The following CA5B variants were observed in gnomAD, a reference collection of about 807,000 sequenced individuals.
CA5B encodes the protein carbonic anhydrase 5B.
Under a neutral mutation model 23.1 loss-of-function variants are expected in CA5B, and 15 were observed. The observed-to-expected ratio is 0.65, with a 90% CI of 0.43 to 1.00. CA5B has a LOEUF of 1.00. CA5B is among the 50% of genes least tolerant of loss of function. CA5B has a pLI of 0.00. For synonymous variants in CA5B, 84 were observed against 98.5 expected (o/e 0.85, Z 0.87); for missense variants, 236 against 252.2 (o/e 0.94, Z 0.43).
chrX:15,743,471 A>G (rs1269716763), intron 1 of CA5B, among the ~76,000 whole-genome samples: 2 of 112,245 alleles, frequency 1.8e-5, no homozygotes, highest in African/African-American at 3.2e-5. Flanking sequence ...CTGTTCCCCA[A>G]TGAACCTAGA....
chrX:15,747,842 C>G (rs1217403814), intron 1 of CA5B, among the ~76,000 whole-genome samples: 1 of 110,994 alleles, frequency 9.0e-6, no homozygotes, highest in Non-Finnish European at 1.9e-5. Flanking sequence ...AGAAGATTAA[C>G]GACAGGGACA....
At chrX:15,779,581 T>C (rs753645577) in intron 7 of CA5B, among the ~76,000 whole-genome samples, 41 of 111,988 alleles carry the variant, frequency 3.7e-4, no homozygotes, top group African/African-American at 1.3e-3. Flanking sequence ...AAAGATAGAG[T>C]ATTCAGTATT....
chrX:15,744,730 C>A (rs927345744), intron 1 of CA5B, among the ~76,000 whole-genome samples: 6 of 111,223 alleles, frequency 5.4e-5, no homozygotes, highest in Non-Finnish European at 1.1e-4. Context: ...CCTGTCCATC[C>A]CTCTGCCTTT....
intron 2 of CA5B, chrX:15,762,915 A>T (rs761086420): frequency 8.7e-6 from 3 of 346,395 alleles, no homozygotes; most frequent in African/African-American, 7.8e-5. Context: ...GTTATCAGCA[A>T]GTCTGCTGAT....
intron 7 of CA5B, among the ~76,000 whole-genome samples, chrX:15,782,077 G>A (rs772949093): frequency 8.9e-6 from 1 of 112,243 alleles, no homozygotes; most frequent in African/African-American, 3.2e-5. Context: ...TTTTTTTGGT[G>A]TTGTTAGTAT....
intron 3 of CA5B, among the ~76,000 whole-genome samples, chrX:15,770,638 A>C (rs1487918821): frequency 9.2e-6 from 1 of 108,786 alleles, no homozygotes; most frequent in African/African-American, 3.4e-5. Context: ...GCCCCACCCA[A>C]CCCCACCTTT....
At chrX:15,771,204 C>CAAAA (rs758945690) in intron 3 of CA5B, among the ~76,000 whole-genome samples, 11 of 30,156 alleles carry the variant, frequency 3.6e-4, no homozygotes, top group Non-Finnish European at 4.5e-4. Context: ...CTCATCTCTA[C>CAAAA]AAAAAAAAAA....
intron 1 of CA5B, among the ~76,000 whole-genome samples, chrX:15,740,256 G>A (rs942970608): frequency 3.6e-5 from 4 of 112,020 alleles, no homozygotes; most frequent in Middle Eastern, 4.7e-3. Context: ...ACTTATGTAC[G>A]GACAGATTCT....
intron 3 of CA5B, chrX:15,769,623 A>C (rs894712490): frequency 1.3e-6 from 1 of 748,568 alleles, no homozygotes; most frequent in Non-Finnish European, 1.6e-6. Context: ...TTTCACAAAC[A>C]TTTAAGTTCT....
At chrX:15,747,073 T>C (rs150238362) in intron 1 of CA5B, among the ~76,000 whole-genome samples, 6 of 111,494 alleles carry the variant, frequency 5.4e-5, no homozygotes, top group Admixed American at 1.9e-4. Context: ...GCTATCAATT[T>C]TGTTTCAGAG....
chrX:15,751,650 C>T (rs1257624521), intron 2 of CA5B, among the ~76,000 whole-genome samples: 2 of 108,945 alleles, frequency 1.8e-5, no homozygotes, highest in South Asian at 3.9e-4. Flanking sequence ...GTAGTGGCTT[C>T]GGGAGGGGCA....
At chrX:15,771,552 G>C (rs1931820792) in intron 3 of CA5B, among the ~76,000 whole-genome samples, 1 of 107,394 alleles carries the variant, frequency 9.3e-6, no homozygotes, top group South Asian at 4.1e-4. Flanking sequence ...TCAGCCACCT[G>C]AGTAGCTGGG....
intron 5 of CA5B, 99 bp downstream of exon 5, chrX:15,774,496 T>G: frequency 1.0e-6 from 1 of 987,522 alleles, no homozygotes; most frequent in Non-Finnish European, 1.4e-6. Flanking sequence ...TTGGGATCCA[T>G]ACATTGGTAA....
chrX:15,763,592 C>A (rs5934276), intron 2 of CA5B, among the ~76,000 whole-genome samples: 2 of 110,608 alleles, frequency 1.8e-5, no homozygotes, highest in Non-Finnish European at 3.8e-5. Context: ...TTTGTGTATC[C>A]ATTAAACCCC....
chrX:15,777,858 G>A (rs757181476), intron 7 of CA5B, among the ~76,000 whole-genome samples: 1 of 111,930 alleles, frequency 8.9e-6, no homozygotes, highest in African/African-American at 3.2e-5. Context: ...AAAGCAAATA[G>A]TAGGTTTTGA....
At chrX:15,780,275 ACAT>A (rs1299354736) in intron 7 of CA5B, among the ~76,000 whole-genome samples, 1 of 64,678 alleles carries the variant, frequency 1.5e-5, no homozygotes, top group Non-Finnish European at 3.6e-5. Flanking sequence ...GATGCCTGGA[ACAT>A]TTTTTTTTTT....
Position 15,776,822 on chromosome X carries a change from G to T in CA5B, c.727G>T (p.Val243Phe), listed in dbSNP as rs747205985. Residue 243 changes from valine (V) to phenylalanine (F), a missense_variant, in exon 7 of 8, where the codon GTC (valine) becomes TTC (phenylalanine). Coordinates refer to ENST00000318636, the MANE Select transcript of CA5B (RefSeq NM_007220.4). ...SLTTPPLSES[V>F]TWIIKKQPVE... is the part of the protein sequence containing the mutation. Reference sequence around the variant, plus strand: ...GACTACCCCACCCCTCTCCGAGTCTGTCACCTGGATCATTAAGAAGCAACC... The same window carrying T: ...GACTACCCCACCCCTCTCCGAGTCTTTCACCTGGATCATTAAGAAGCAACC... The T allele has an allele frequency of 1.7e-6, 2 of 1,209,734 alleles. No individual in the cohort carries two copies. The highest frequency in any genetic ancestry group is 2.2e-6 in the Non-Finnish European group (2 of 893,709).
At chrX:15,781,269 G>A (rs915380942) in intron 7 of CA5B, among the ~76,000 whole-genome samples, 1 of 111,069 alleles carries the variant, frequency 9.0e-6, no homozygotes, top group Admixed American at 9.6e-5. Context: ...AGGCCACCAC[G>A]CCCGGCCTAA....
At chrX:15,775,205 T>TTTTAATTCACATTCTATTACA in intron 5 of CA5B, 41 bp from the exon 6 acceptor site, 1 of 1,003,479 alleles carries the variant, frequency 1.0e-6, no homozygotes, top group Non-Finnish European at 1.4e-6. Flanking sequence ...TACAGTGAGA[T>TTTTAATTCACATTCTATTACA]GTCCATTGTT....
Sources: allele counts gnomAD v4.1 joint callset (sites outside exome capture counted in the v4.1 genomes callset), GRCh38; gene constraint gnomAD v4.1.1; transcripts MANE v1.5; gene names NCBI Gene and HGNC (gene_info 2026-07-23, HGNC 2026-07-21).